Variants in ZNF396 observed in about 807,000 individuals in gnomAD.
ZNF396 encodes the protein zinc finger and SCAN domain-containing protein 14.
ZNF396 carries 14 observed loss-of-function variants against 20.5 expected under a neutral mutation model. That is an observed-to-expected ratio of 0.68 (90% CI 0.45 to 1.07). The LOEUF (loss-of-function observed/expected upper bound fraction) is 1.07, where lower values mean the gene tolerates loss of function less well. Among genes scored for constraint, ZNF396 ranks in the 50% least tolerant of loss-of-function variants. ZNF396 has a pLI of 0.00. For synonymous variants in ZNF396, 119 were observed against 140.6 expected, an observed-to-expected ratio of 0.85 and a Z score of 1.08; for missense variants, 347 against 390.1, an observed-to-expected ratio of 0.89 and a Z score of 0.93.
At chr18:35,373,404 T>G in intron 3 of ZNF396, 52 bp downstream of exon 3, 1 of 1,579,500 alleles carries the variant, frequency 6.3e-7, no homozygotes, top group Non-Finnish European at 8.6e-7. Flanking sequence ...ATGTGTGTGG[T>G]GAGCAGAGGG....
At chr18:35,370,804 C>T (rs947135684) in intron 3 of ZNF396, among the ~76,000 whole-genome samples, 2 of 151,958 alleles carry the variant, frequency 1.3e-5, no homozygotes, top group Admixed American at 6.6e-5. Context: ...TGAGCCACCG[C>T]GCCCGGCCCA....
At chr18:35,375,806 G>A (rs969588570) in intron 1 of ZNF396, among the ~76,000 whole-genome samples, 2 of 152,098 alleles carry the variant, frequency 1.3e-5, no homozygotes, top group Admixed American at 1.3e-4. Flanking sequence ...ACAATGGCGG[G>A]ATCTTGGCTC....
At position 35,373,986 on chromosome 18, in the gene ZNF396, T is replaced by C. The variant is rs768269256; in HGVS notation, c.307A>G (p.Ile103Val). 2.5e-6 allele frequency: 4 copies of C among 1,614,238 alleles called. No homozygotes were observed. The highest frequency in any genetic ancestry group is 2.2e-5 in the South Asian group (2 of 91,086). Residue 103 changes from isoleucine to valine, a missense_variant, in exon 2 of 4, where the codon ATC becomes GTC. Physicochemically the swap from Ile to Val is conservative, Grantham distance 29. Coordinates refer to ENST00000589332, the MANE Select transcript of ZNF396 (RefSeq NM_001322286.2). ...CAGGCCTGAAGCTCTTTTGGGAGGA[T>C]GGCCAGGAACTGCTCCAGCACCAGC... ...ELLVLEQFLA[I>V]LPKELQAWVQ...
chr18:35,376,193 T>G (rs1293765857), intron 1 of ZNF396: 1 of 152,204 alleles, frequency 6.6e-6, no homozygotes, highest in Non-Finnish European at 1.5e-5. Context: ...CACCAAGTAT[T>G]GTTCTAGGCC....
rs774381843 is a variant in ZNF396 at position 35,369,209 on chromosome 18, T to C, written c.*6A>G. The C allele has an allele frequency of 1.3e-6, 2 of 1,547,316 alleles. No homozygotes were observed. Among genetic ancestry groups the C allele is most frequent in the Non-Finnish European group, 1.7e-6 (2 of 1,147,566 alleles). Reference sequence around the variant, plus strand: ...CTGAGTAAATGCTTTGATTCCCTCATGATACTTATGGGACTTTTTTTCTAA... The same window carrying C: ...CTGAGTAAATGCTTTGATTCCCTCACGATACTTATGGGACTTTTTTTCTAA... On this transcript the variant is annotated 3_prime_UTR_variant, in exon 4 of 4. Transcript: ENST00000589332.
intron 3 of ZNF396, 62 bp downstream of exon 3, chr18:35,373,394 A>G (rs773859370): frequency 9.0e-6 from 14 of 1,557,990 alleles, no homozygotes; most frequent in Non-Finnish European, 1.2e-5. Context: ...ATCAGCTGAG[A>G]TGTGTGTGGT....
At position 35,368,804 on chromosome 18, in the gene ZNF396, A is replaced by G; in HGVS notation, c.*411T>C. 1 of 993,518 alleles carries G rather than the reference A, an allele frequency of 1.0e-6. No individual in the cohort carries two copies. The highest frequency in any genetic ancestry group is 1.2e-6 in the Non-Finnish European group (1 of 835,770). The allele number at this position is 993,518 out of a possible 1,614,324, so 61.5% of individuals were successfully genotyped here. On this transcript the variant is annotated 3_prime_UTR_variant, in exon 4 of 4. Transcript: ENST00000589332. Reference sequence around the variant, plus strand: ...TTTGGTCTTTAGAATTCTAGTGCTCAAGTTATGAAATGGAGGAGAATGTCT... The same window carrying G: ...TTTGGTCTTTAGAATTCTAGTGCTCGAGTTATGAAATGGAGGAGAATGTCT...
Position 35,369,593 on chromosome 18 carries a change from C to T in ZNF396, c.630G>A (p.Leu210=). The T allele has an allele frequency of 6.2e-7, 1 of 1,614,014 alleles. No individual in the cohort carries two copies. Among genetic ancestry groups the T allele is most frequent in the East Asian group, 2.2e-5 (1 of 44,884 alleles). Residue 210 remains leucine (L), a synonymous_variant, in exon 4 of 4, where the codon CTG becomes CTA. Transcript: ENST00000589332. Reference sequence around the variant, plus strand: ...GAAGGATATTGGAAACATTGCAATGCAGTTCTATGCCTAAAGAAGTCTTTT... The same window carrying T: ...GAAGGATATTGGAAACATTGCAATGTAGTTCTATGCCTAAAGAAGTCTTTT... ...SRQKTSLGIE[L]HCNVSNILHM...
rs2143910865 is a variant in ZNF396 at position 35,374,100 on chromosome 18, C to A, written c.193G>T (p.Gly65Trp). The A allele has an allele frequency of 6.2e-7, 1 of 1,614,234 alleles. No individual in the cohort carries two copies. The highest frequency in any genetic ancestry group is 8.5e-7 in the Non-Finnish European group (1 of 1,180,054). ...FRQFGYQDSP[G>W]PHEALSRLWE... Reference sequence around the variant, plus strand: ...AGCCGGCTCAGAGCCTCATGGGGCCCAGGTGAATCCTGGTAGCCAAACTGC... The same window carrying A: ...AGCCGGCTCAGAGCCTCATGGGGCCAAGGTGAATCCTGGTAGCCAAACTGC... The change falls in exon 2 of 4, where the codon GGG (glycine) becomes TGG (tryptophan). Residue 65 changes from glycine to tryptophan, a missense_variant. Gly to Trp is a radical substitution (Grantham distance 184). Coordinates refer to ENST00000589332, the MANE Select transcript of ZNF396 (RefSeq NM_001322286.2). The surrounding 1 kb of genome is among the most constrained non-coding windows in gnomAD (Gnocchi z 4.3).
chr18:35,370,638 A>G (rs868148021), intron 3 of ZNF396, among the ~76,000 whole-genome samples: 7 of 142,636 alleles, frequency 4.9e-5, no homozygotes, highest in East Asian at 2.1e-4. Context: ...TCAGTCTCCC[A>G]AGTAGCTGGG....
intron 3 of ZNF396, among the ~76,000 whole-genome samples, chr18:35,370,650 C>T (rs2045165123): frequency 6.7e-6 from 1 of 149,108 alleles, no homozygotes; most frequent in Admixed American, 6.7e-5. Context: ...GTAGCTGGGA[C>T]TACAGGCGCC....
chr18:35,370,552 G>A (rs968031549), intron 3 of ZNF396, among the ~76,000 whole-genome samples: 27 of 110,100 alleles, frequency 2.5e-4, no homozygotes, highest in South Asian at 6.4e-4. Flanking sequence ...TCGCTCTGTC[G>A]CCCAGGCTGG....
intron 3 of ZNF396, among the ~76,000 whole-genome samples, chr18:35,370,504 AT>A (rs35532616): frequency 2.9e-3 from 237 of 81,760 alleles, no homozygotes; most frequent in East Asian, 0.012. Context: ...TCATGGTGGC[AT>A]TTTTTTTTTT....
chr18:35,373,274 A>C (rs749787560), intron 3 of ZNF396, 182 bp downstream of exon 3: 7 of 691,920 alleles, frequency 1.0e-5, no homozygotes, highest in Non-Finnish European at 1.5e-5. Context: ...AGAATCTCTG[A>C]AAAAGAAGCA....
chr18:35,372,882 T>A (rs553275416), intron 3 of ZNF396: 1 of 152,518 alleles, frequency 6.6e-6, no homozygotes, highest in African/African-American at 2.4e-5. Context: ...GTTTTGTTTT[T>A]ATTTTTTCCC....
At chr18:35,371,412 TTAGAA>T (rs2045178117) in intron 3 of ZNF396, among the ~76,000 whole-genome samples, 2 of 152,326 alleles carry the variant, frequency 1.3e-5, no homozygotes, top group Admixed American at 6.5e-5. Flanking sequence ...TTTCTGTTGT[TTAGAA>T]TAGAATACCT....
intron 1 of ZNF396, chr18:35,376,176 C>T (rs2045254751): frequency 6.6e-6 from 1 of 152,158 alleles, no homozygotes; most frequent in African/African-American, 2.4e-5. Context: ...GACTTATTTT[C>T]TCACTTCACC....
At chr18:35,369,992 T>C (rs1269207589) in intron 3 of ZNF396, among the ~76,000 whole-genome samples, 1 of 151,096 alleles carries the variant, frequency 6.6e-6, no homozygotes. Context: ...AGGAGAGGAA[T>C]CCAATGTGCC....
chr18:35,373,655 T>G, intron 2 of ZNF396, 55 bp from the exon 3 acceptor site: 2 of 1,589,002 alleles, frequency 1.3e-6, no homozygotes, highest in Non-Finnish European at 1.7e-6. Context: ...GACTTGAGGA[T>G]AAAATAACAG....
Sources: allele counts gnomAD v4.1 joint callset (sites outside exome capture counted in the v4.1 genomes callset), GRCh38; gene constraint gnomAD v4.1.1; non-coding constraint Gnocchi (gnomAD v3.1); transcripts MANE v1.5; gene names NCBI Gene and HGNC (gene_info 2026-07-23, HGNC 2026-07-21).